Variants in PCDHGA8 observed in about 807,000 individuals in gnomAD.
PCDHGA8 encodes protocadherin gamma-A8.
PCDHGA8 carries 45 observed loss-of-function variants against 59.2 expected under a neutral mutation model. The observed-to-expected ratio is 0.76, with a 90% CI of 0.60 to 0.98. PCDHGA8 has a LOEUF of 0.98. PCDHGA8 is among the 50% of genes least tolerant of loss of function. The pLI, the probability that PCDHGA8 is intolerant of heterozygous loss-of-function variation, is 0.00. For synonymous variants in PCDHGA8, 531 were observed against 519.0 expected (o/e 1.02, Z -0.32); for missense variants, 1,257 against 1,196.2 (o/e 1.05, Z -0.75).
rs759191157 is a variant in PCDHGA8, at chr5:141,485,768, C to T, written c.2425-9039C>T. Reference sequence around the variant, plus strand: ...GGTCCCAGAGCTGCTCCTGGAGAAGCCTTTGGATCGAGAGAAGCAATCGGA... The same window carrying T: ...GGTCCCAGAGCTGCTCCTGGAGAAGTCTTTGGATCGAGAGAAGCAATCGGA... On this transcript the variant is annotated intron_variant, in intron 1 of 3. Transcript: ENST00000398604. This position sits in a 1 kb window ranked among gnomAD's most constrained non-coding sequence, Gnocchi z 5.7. The T allele has an allele frequency of 5.6e-6, 9 of 1,614,074 alleles. No individual in the cohort carries two copies. The highest frequency in any genetic ancestry group is 1.7e-5 in the Admixed American group (1 of 60,000).
At chr5:141,423,409 G>T (rs1168604361) in intron 1 of PCDHGA8, 1 of 1,614,148 alleles carries the variant, frequency 6.2e-7, no homozygotes, top group South Asian at 1.1e-5. Flanking sequence ...CCTGCTGCAG[G>T]CTTCTGAAGG....
chr5:141,491,071 C>A lies in PCDHGA8; in HGVS notation c.2425-3736C>A, dbSNP rs987564933. ...TGCGTGGCTCTCCTACTCACTGTTG[C>A]CACAGTCCACAGCCCCAGGACTGTT... On this transcript the variant is annotated intron_variant, in intron 1 of 3. Transcript: ENST00000398604. This position sits in a 1 kb window ranked among gnomAD's most constrained non-coding sequence, Gnocchi z 6.9. 2 of 1,614,034 alleles carry A rather than the reference C, an allele frequency of 1.2e-6. No individual in the cohort carries two copies. The highest frequency in any genetic ancestry group is 1.7e-6 in the Non-Finnish European group (2 of 1,180,036).
At chr5:141,430,641 T>C (rs1332550435) in intron 1 of PCDHGA8, 2 of 902,672 alleles carry the variant, frequency 2.2e-6, no homozygotes, top group East Asian at 5.4e-5. Flanking sequence ...TCCCTGGGAG[T>C]ATGTGGAAAC....
intron 1 of PCDHGA8, chr5:141,399,895 G>A (rs570331620): frequency 6.2e-7 from 1 of 1,612,586 alleles, no homozygotes; most frequent in African/African-American, 1.3e-5. Flanking sequence ...GGTAGTGGCC[G>A]TGGACGCAGA....
intron 1 of PCDHGA8, chr5:141,423,297 C>T: frequency 1.9e-6 from 3 of 1,614,170 alleles, no homozygotes; most frequent in South Asian, 1.1e-5. Flanking sequence ...CCTCAGACCT[C>T]TCGCTGTACT....
chr5:141,427,224 A>G (rs1269896138), intron 1 of PCDHGA8: 1 of 456,768 alleles, frequency 2.2e-6, no homozygotes, highest in East Asian at 6.9e-5. Context: ...TAGCAGTTAT[A>G]CCATGAGAGT....
chr5:141,477,566 C>T lies in PCDHGA8; in HGVS notation c.2425-17241C>T, dbSNP rs749100730. On this transcript the variant is annotated intron_variant, in intron 1 of 3. Coordinates refer to ENST00000398604, the MANE Select transcript of PCDHGA8 (RefSeq NM_032088.2). The surrounding 1 kb of genome is among the most constrained non-coding windows in gnomAD (Gnocchi z 4.9). ...AATACTAAACCTAAGTGTCTGGGAC[C>T]CCGACGCCCCGCAGAATGCTCGGCT... The T allele has an allele frequency of 1.9e-6, 3 of 1,613,988 alleles. No homozygotes were observed. The highest frequency in any genetic ancestry group is 8.5e-7 in the Non-Finnish European group (1 of 1,180,032).
At chr5:141,399,435 A>G (rs568070353) in intron 1 of PCDHGA8, 20 of 1,613,972 alleles carry the variant, frequency 1.2e-5, no homozygotes, top group African/African-American at 9.3e-5. Context: ...GCGTCATCCT[A>G]CATATCAGAG....
intron 1 of PCDHGA8, chr5:141,415,452 C>G (rs2095870569): frequency 1.9e-6 from 3 of 1,614,122 alleles, no homozygotes; most frequent in Admixed American, 1.7e-5. Context: ...CCTATTCCCA[C>G]GAGGTCTCTC....
At position 141,432,580 on chromosome 5, in the gene PCDHGA8, T is replaced by C. The variant is rs773087131; in HGVS notation, c.2424+37343T>C. 20 of 1,613,202 alleles carry C rather than the reference T, an allele frequency of 1.2e-5. No individual in the cohort carries two copies. The highest frequency in any genetic ancestry group is 4.0e-5 in the African/African-American group (3 of 74,662). On this transcript the variant is annotated intron_variant, in intron 1 of 3. Transcript: ENST00000398604. The surrounding 1 kb of genome is among the most constrained non-coding windows in gnomAD (Gnocchi z 6.0). ...GCCAGAACGCCTGGCTGTCCTACCG[T>C]CTGCTCAAGGCCAGCGAGCCGGGAC... is the stretch of plus-strand genomic sequence containing the variant.
intron 1 of PCDHGA8, chr5:141,403,857 C>T (rs1431988074): frequency 6.2e-7 from 1 of 1,613,412 alleles, no homozygotes; most frequent in South Asian, 1.1e-5. Flanking sequence ...GGGGAAATAT[C>T]AACAGCAAAA....
chr5:141,480,380 A>C (rs1192159457), intron 1 of PCDHGA8, among the ~76,000 whole-genome samples: 3 of 151,970 alleles, frequency 2.0e-5, no homozygotes, highest in African/African-American at 4.8e-5. Context: ...GCACCACTAC[A>C]CTTCAACCAT....
intron 1 of PCDHGA8, among the ~76,000 whole-genome samples, chr5:141,474,294 G>A (rs535055214): frequency 1.3e-5 from 2 of 152,296 alleles, no homozygotes; most frequent in African/African-American, 4.8e-5. Context: ...CTAGATCAGT[G>A]CTTGTCAAAC....
intron 1 of PCDHGA8, chr5:141,478,713 G>A (rs745990290): frequency 1.9e-6 from 3 of 1,546,642 alleles, no homozygotes; most frequent in African/African-American, 2.7e-5. Context: ...TTGTGAGATG[G>A]TGGCCTGCCA....
chr5:141,477,512 A>G lies in PCDHGA8; in HGVS notation c.2425-17295A>G. 1.9e-6 allele frequency: 3 copies of G among 1,614,156 alleles called. No homozygotes were observed. Among genetic ancestry groups the G allele is most frequent in the South Asian group, 2.2e-5 (2 of 91,072 alleles). ...TTCTCAATCTTCCTACGACGTTTAC[A>G]TTGAAGAAAACAACCTCCCCGGGGC... On this transcript the variant is annotated intron_variant, in intron 1 of 3. Transcript: ENST00000398604. This position sits in a 1 kb window ranked among gnomAD's most constrained non-coding sequence, Gnocchi z 4.9.
Position 141,486,390 on chromosome 5 carries a change from C to G in PCDHGA8, c.2425-8417C>G. 6.2e-7 allele frequency: 1 copy of G among 1,614,138 alleles called. No individual in the cohort carries two copies. The highest frequency in any genetic ancestry group is 8.5e-7 in the Non-Finnish European group (1 of 1,179,996). Reference sequence around the variant, plus strand: ...AAGTCTGCCTTCAGGAACCAGTTCTCCCTGGTGACTGCTGGACCCTTGGAT... The same window carrying G: ...AAGTCTGCCTTCAGGAACCAGTTCTGCCTGGTGACTGCTGGACCCTTGGAT... On this transcript the variant is annotated intron_variant, in intron 1 of 3. Coordinates refer to ENST00000398604, the MANE Select transcript of PCDHGA8 (RefSeq NM_032088.2). This position sits in a 1 kb window ranked among gnomAD's most constrained non-coding sequence, Gnocchi z 5.0.
In PCDHGA8 at chr5:141,476,501, A is replaced by G; in HGVS notation, c.2425-18306A>G. 1.2e-6 allele frequency: 2 copies of G among 1,614,026 alleles called. No homozygotes were observed. Among genetic ancestry groups the G allele is most frequent in the Non-Finnish European group, 1.7e-6 (2 of 1,180,006 alleles). On this transcript the variant is annotated intron_variant, in intron 1 of 3. Coordinates refer to ENST00000398604, the MANE Select transcript of PCDHGA8 (RefSeq NM_032088.2). The surrounding 1 kb of genome is among the most constrained non-coding windows in gnomAD (Gnocchi z 7.6). ...CGTGGAAGTGGTGATCCAGGACATCAACGACAACAATCCTGCTTTCCCTAC... is the reference window on the plus strand; with the variant it reads ...CGTGGAAGTGGTGATCCAGGACATCGACGACAACAATCCTGCTTTCCCTAC...
At chr5:141,420,483 T>C in intron 1 of PCDHGA8, 2 of 581,364 alleles carry the variant, frequency 3.4e-6, no homozygotes, top group Non-Finnish European at 5.2e-6. Context: ...GCAAACTACA[T>C]GGGTAATCTC....
intron 1 of PCDHGA8, among the ~76,000 whole-genome samples, chr5:141,401,348 A>G (rs1312849099): frequency 2.0e-5 from 3 of 152,220 alleles, no homozygotes; most frequent in African/African-American, 4.8e-5. Flanking sequence ...ATCTCAAAAA[A>G]AAGGAAGGAG....
Sources: allele counts gnomAD v4.1 joint callset (sites outside exome capture counted in the v4.1 genomes callset), GRCh38; gene constraint gnomAD v4.1.1; non-coding constraint Gnocchi (gnomAD v3.1); transcripts MANE v1.5; gene names NCBI Gene and HGNC (gene_info 2026-07-23, HGNC 2026-07-21).